The following TJP1 variants were observed in gnomAD, a reference collection of about 807,000 sequenced individuals.
TJP1 encodes tight junction protein ZO-1.
TJP1 carries 43 observed loss-of-function variants against 194.2 expected under a neutral mutation model. The ratio of observed to expected loss-of-function variants is 0.22; its 90% CI spans 0.17 to 0.29. The LOEUF is 0.29. Ranked by LOEUF, TJP1 falls within the 10% of genes least tolerant of loss-of-function variation. The probability of loss-of-function intolerance (pLI) is 1.00; values close to 1 mark genes in which losing one functional copy is unlikely to be tolerated. For synonymous variants in TJP1, 801 were observed against 779.0 expected (o/e 1.03, Z -0.47); for missense variants, 1,971 against 2,185.7 (o/e 0.90, Z 1.96).
chr15:29,940,645 C>T (rs1167099088), intron 2 of TJP1, among the ~76,000 whole-genome samples: 1 of 152,112 alleles, frequency 6.6e-6, no homozygotes, highest in African/African-American at 2.4e-5. Flanking sequence ...CCATAACAAA[C>T]GTGGTGATCA....
At chr15:29,798,049 T>C (rs1399767175) in intron 2 of TJP1, among the ~76,000 whole-genome samples, 1 of 152,106 alleles carries the variant, frequency 6.6e-6, no homozygotes, top group Non-Finnish European at 1.5e-5. Flanking sequence ...TCTCGGCTCA[T>C]TGCAACCTCC....
intron 2 of TJP1, among the ~76,000 whole-genome samples, chr15:29,782,174 A>G (rs2047406613): frequency 1.3e-5 from 2 of 152,158 alleles, no homozygotes; most frequent in African/African-American, 2.4e-5. Context: ...TTATAAACCA[A>G]CAACAGCCAA....
At chr15:29,735,819 C>A (rs1282321721) in intron 11 of TJP1, among the ~76,000 whole-genome samples, 1 of 151,998 alleles carries the variant, frequency 6.6e-6, no homozygotes, top group Non-Finnish European at 1.5e-5. Flanking sequence ...TCTGAAGTCA[C>A]CATGATGCCT....
At chr15:29,878,178 T>C (rs1363355125) in intron 2 of TJP1, among the ~76,000 whole-genome samples, 11 of 152,038 alleles carry the variant, frequency 7.2e-5, no homozygotes, top group Non-Finnish European at 1.3e-4. Context: ...GCCTCCCAAG[T>C]AGCTGGGACT....
intron 8 of TJP1, among the ~76,000 whole-genome samples, chr15:29,755,107 C>T (rs1165515266): frequency 1.3e-5 from 2 of 152,266 alleles, no homozygotes; most frequent in Non-Finnish European, 2.9e-5. Flanking sequence ...TCCTTTCCTA[C>T]GTTTAAGATA....
In TJP1 at chr15:29,710,839, T is replaced by G; in HGVS notation, c.4364A>C (p.His1455Pro). The G allele has an allele frequency of 6.2e-7, 1 of 1,614,060 alleles. No homozygotes were observed. Among genetic ancestry groups the G allele is most frequent in the Non-Finnish European group, 8.5e-7 (1 of 1,180,052 alleles). ...ACTTCCGAACTTCCTACCTTCACCA[T>G]GTGCTCCCTTAGAATGTATGTGGAG... ...ASLHIHSKGA[H>P]GEGNSVSLDF... Residue 1455 changes from histidine to proline, a missense_variant, in exon 24 of 28, where the codon CAT becomes CCT. Around this residue, in one of 5 missense-constraint regions of TJP1, gnomAD observed 1,108 missense variants for 1,128.5 expected, o/e 0.98. Transcript: ENST00000614355.
intron 2 of TJP1, among the ~76,000 whole-genome samples, chr15:29,851,239 C>T (rs2051631127): frequency 6.6e-6 from 1 of 151,942 alleles, no homozygotes; most frequent in Non-Finnish European, 1.5e-5. Context: ...TCTAGCAAGA[C>T]TGACAGAAAC....
intron 1 of TJP1, among the ~76,000 whole-genome samples, chr15:29,959,048 G>C (rs982716042): frequency 6.6e-6 from 1 of 150,986 alleles, no homozygotes; most frequent in African/African-American, 2.4e-5. Flanking sequence ...GGAGTGCAGC[G>C]GCGCGATCTC....
At chr15:29,944,384 C>T (rs1296243206) in intron 2 of TJP1, among the ~76,000 whole-genome samples, 5 of 152,040 alleles carry the variant, frequency 3.3e-5, no homozygotes, top group South Asian at 2.1e-4. Flanking sequence ...CGTGAGCCAC[C>T]GCGCCCGGCC....
At chr15:29,772,261 C>T in intron 3 of TJP1, 95 bp from the exon 4 acceptor site, 1 of 678,952 alleles carries the variant, frequency 1.5e-6, no homozygotes, top group Non-Finnish European at 2.5e-6. Context: ...AAAATGTAAT[C>T]TAATTATGAG....
chr15:29,756,576 A>G (rs2045656654), intron 8 of TJP1, among the ~76,000 whole-genome samples: 1 of 152,190 alleles, frequency 6.6e-6, no homozygotes, highest in Non-Finnish European at 1.5e-5. Flanking sequence ...TACTTTGTTC[A>G]TCTAATTATA....
In TJP1 at chr15:29,708,607, T is replaced by A; in HGVS notation, c.4802A>T (p.Lys1601Ile). 1 of 1,613,992 alleles carries A rather than the reference T, an allele frequency of 6.2e-7. No individual in the cohort carries two copies. ...ETFSIHAEKP[K>I]YQINNISTVP... Reference sequence around the variant, plus strand: ...TGTGCTGATATTATTTATTTGATATTTAGGCTTCTCTGCATGGATAGAGAA... The same window carrying A: ...TGTGCTGATATTATTTATTTGATATATAGGCTTCTCTGCATGGATAGAGAA... The change falls in exon 25 of 28, where the codon AAA (lysine) becomes ATA (isoleucine). Residue 1601 changes from lysine (K) to isoleucine (I), a missense_variant. This residue lies in a region of TJP1 where 1,108 missense variants were observed against 1,128.5 expected (regional missense o/e 0.98). Coordinates refer to ENST00000614355, the MANE Select transcript of TJP1 (RefSeq NM_001330239.4).
At chr15:29,834,386 A>G (rs2050956528) in intron 2 of TJP1, among the ~76,000 whole-genome samples, 1 of 151,558 alleles carries the variant, frequency 6.6e-6, no homozygotes, top group Admixed American at 6.6e-5. Context: ...CGCCCAGCTA[A>G]TTTTTGTGTT....
intron 2 of TJP1, among the ~76,000 whole-genome samples, chr15:29,897,341 T>A (rs2053508286): frequency 1.3e-5 from 2 of 152,234 alleles, no homozygotes; most frequent in Admixed American, 6.5e-5. Context: ...AGTCAAGAAC[T>A]GAGGTTTGGG....
At chr15:29,949,884 C>CTT (rs2055589657) in intron 2 of TJP1, among the ~76,000 whole-genome samples, 1 of 109,828 alleles carries the variant, frequency 9.1e-6, no homozygotes, top group Non-Finnish European at 1.8e-5. Context: ...TCCACAACCA[C>CTT]CACCTCCACC....
chr15:29,949,682 T>TCCACAACCACCACC (rs2055550376), intron 2 of TJP1, among the ~76,000 whole-genome samples: 1 of 30,216 alleles, frequency 3.3e-5, no homozygotes, highest in African/African-American at 1.1e-4. Flanking sequence ...CACCTCCACC[T>TCCACAACCACCACC]TCACCACCAC....
intron 10 of TJP1, among the ~76,000 whole-genome samples, chr15:29,739,922 C>A (rs981766360): frequency 6.6e-6 from 1 of 152,174 alleles, no homozygotes; most frequent in African/African-American, 2.4e-5. Flanking sequence ...AAAACCCCAT[C>A]TCTTTCAGGA....
intron 2 of TJP1, among the ~76,000 whole-genome samples, chr15:29,865,514 A>G (rs2052271090): frequency 6.6e-6 from 1 of 152,206 alleles, no homozygotes; most frequent in South Asian, 2.1e-4. Flanking sequence ...AGTTTAGAAT[A>G]TGATCAAGTT....
chr15:29,890,545 T>C (rs924401623), intron 2 of TJP1, among the ~76,000 whole-genome samples: 4 of 152,210 alleles, frequency 2.6e-5, no homozygotes, highest in Non-Finnish European at 5.9e-5. Context: ...GCCAGAGGAA[T>C]GTTTCTCGGT....
Sources: gnomAD v4.1 joint callset for allele counts (sites outside exome capture counted in the v4.1 genomes callset) on GRCh38, gnomAD v4.1.1 for gene constraint, gnomAD v4.1.1 regional missense constraint, MANE v1.5 for transcripts, NCBI Gene and HGNC (gene_info 2026-07-23, HGNC 2026-07-21) for gene names.